Variants in CTNNA3 observed in about 807,000 individuals in gnomAD.
CTNNA3 encodes the protein catenin alpha-3.
A neutral mutation model predicts 95.7 loss-of-function variants in CTNNA3; 76 were observed. The ratio of observed to expected loss-of-function variants is 0.79; its 90% CI spans 0.66 to 0.96. The LOEUF (loss-of-function observed/expected upper bound fraction) is 0.96. Among genes scored for constraint, CTNNA3 ranks in the 40% least tolerant of loss-of-function variants. The pLI, the probability that CTNNA3 is intolerant of heterozygous loss-of-function variation, is 0.00. For synonymous variants in CTNNA3, 431 were observed against 374.4 expected, an observed-to-expected ratio of 1.15 and a Z score of -1.74; for missense variants, 1,191 against 1,089.8, an observed-to-expected ratio of 1.09 and a Z score of -1.31.
intron 9 of CTNNA3, among the ~76,000 whole-genome samples, chr10:66,762,009 G>C (rs72802617): frequency 0.025 from 3,841 of 152,168 alleles, 74 homozygotes; most frequent in Admixed American, 0.058. Flanking sequence ...AAATTAATTG[G>C]TACTATGAAT....
At chr10:67,244,090 G>C (rs1865817350) in intron 5 of CTNNA3, among the ~76,000 whole-genome samples, 2 of 152,266 alleles carry the variant, frequency 1.3e-5, no homozygotes, top group South Asian at 4.1e-4. Context: ...TTTGTAAAAG[G>C]AAATCACAAC....
chr10:66,781,259 G>A (rs1420112425), intron 7 of CTNNA3, among the ~76,000 whole-genome samples: 1 of 152,098 alleles, frequency 6.6e-6, no homozygotes, highest in Non-Finnish European at 1.5e-5. Flanking sequence ...TTGTAAGTGT[G>A]TGCCATTTTA....
chr10:66,429,988 G>T (rs1334598701), intron 11 of CTNNA3, among the ~76,000 whole-genome samples: 1 of 146,130 alleles, frequency 6.8e-6, no homozygotes, highest in Admixed American at 6.9e-5. Context: ...TGACATGATT[G>T]TATATCTAGA....
At chr10:66,883,124 T>G (rs2132471997) in intron 7 of CTNNA3, among the ~76,000 whole-genome samples, 1 of 152,222 alleles carries the variant, frequency 6.6e-6, no homozygotes, top group South Asian at 2.1e-4. Context: ...ACAATGTTGA[T>G]TCACTGTACT....
intron 15 of CTNNA3, among the ~76,000 whole-genome samples, chr10:66,018,682 C>T (rs2079142066): frequency 6.6e-6 from 1 of 152,052 alleles, no homozygotes; most frequent in South Asian, 2.1e-4. Context: ...AAACCGTTCA[C>T]TCTATAAAAT....
intron 9 of CTNNA3, among the ~76,000 whole-genome samples, chr10:66,660,158 A>C (rs902233607): frequency 5.3e-5 from 8 of 152,044 alleles, no homozygotes; most frequent in African/African-American, 1.9e-4. Flanking sequence ...GAATTAACCT[A>C]TGCACATGGG....
chr10:67,185,950 C>A (rs1862823245), intron 6 of CTNNA3, among the ~76,000 whole-genome samples: 1 of 148,860 alleles, frequency 6.7e-6, no homozygotes, highest in South Asian at 2.1e-4. Context: ...AACCGGGACC[C>A]AGGAGGCAGA....
chr10:67,452,287 T>G (rs1014861164), intron 5 of CTNNA3, among the ~76,000 whole-genome samples: 11 of 152,090 alleles, frequency 7.2e-5, no homozygotes, highest in Non-Finnish European at 1.5e-4. Flanking sequence ...TAAAAATGAA[T>G]AACGTAATTG....
At chr10:66,149,299 A>G (rs1394166602) in intron 13 of CTNNA3, among the ~76,000 whole-genome samples, 1 of 149,852 alleles carries the variant, frequency 6.7e-6, no homozygotes, top group African/African-American at 2.4e-5. Context: ...GTATATTTAA[A>G]TATAAGGAAT....
intron 6 of CTNNA3, among the ~76,000 whole-genome samples, chr10:67,204,675 G>A (rs1863812175): frequency 6.6e-6 from 1 of 152,142 alleles, no homozygotes; most frequent in African/African-American, 2.4e-5. Context: ...ACGACCCAAT[G>A]GGTTCTTCCT....
rs200016379 is a variant in CTNNA3 at position 66,618,985 on chromosome 10, G to C, written c.1374+2707C>G. On this transcript the variant is annotated intron_variant, in intron 10 of 17. Transcript: ENST00000433211. Reference sequence around the variant, plus strand: ...ATGCTCATCATCACTGGCCATCAGAGAAATGCAAATAAAAACCACAATGAG... The same window carrying C: ...ATGCTCATCATCACTGGCCATCAGACAAATGCAAATAAAAACCACAATGAG... 5.7e-4 allele frequency among the ~76,000 whole-genome samples: 87 copies of C among 152,274 alleles called. 1 individual carries two copies. In the East Asian group the frequency reaches 0.016, roughly 28 times the overall value.
chr10:66,358,602 G>A (rs2092629573), intron 12 of CTNNA3, among the ~76,000 whole-genome samples: 1 of 152,108 alleles, frequency 6.6e-6, no homozygotes, highest in Admixed American at 6.6e-5. Flanking sequence ...CTGACCTAGT[G>A]GGAAAATCTA....
intron 5 of CTNNA3, among the ~76,000 whole-genome samples, chr10:67,278,880 C>G (rs139988748): frequency 1.1e-3 from 165 of 152,182 alleles, no homozygotes; most frequent in African/African-American, 3.9e-3. Context: ...TAAATAAAAC[C>G]CATCTGATGA....
chr10:66,230,836 T>C (rs2089551069), intron 13 of CTNNA3, among the ~76,000 whole-genome samples: 1 of 152,156 alleles, frequency 6.6e-6, no homozygotes, highest in African/African-American at 2.4e-5. Flanking sequence ...ATTTATGCCC[T>C]GATGTATAGA....
At chr10:66,346,246 T>TATATATATATATAGAGAGAGAGAG (rs1416945569) in intron 12 of CTNNA3, among the ~76,000 whole-genome samples, 1 of 27,788 alleles carries the variant, frequency 3.6e-5, no homozygotes, top group Non-Finnish European at 7.6e-5. Flanking sequence ...TATATATATA[T>TATATATATATATAGAGAGAGAGAG]AGAGAGAGAG....
intron 7 of CTNNA3, among the ~76,000 whole-genome samples, chr10:66,975,258 A>C (rs1849965270): frequency 6.6e-6 from 1 of 152,206 alleles, no homozygotes; most frequent in Admixed American, 6.5e-5. Context: ...TTTTCTAATA[A>C]AGGTATTCAC....
intron 13 of CTNNA3, among the ~76,000 whole-genome samples, chr10:66,134,868 G>A (rs553110005): frequency 1.3e-5 from 2 of 151,962 alleles, no homozygotes; most frequent in East Asian, 3.9e-4. Context: ...AAAGATTTAA[G>A]TCAAGGAAAT....
At chr10:66,641,178 C>A (rs759285466) in intron 9 of CTNNA3, among the ~76,000 whole-genome samples, 19 of 151,994 alleles carry the variant, frequency 1.3e-4, no homozygotes, top group Non-Finnish European at 2.5e-4. Flanking sequence ...GCAATAATTC[C>A]TTTGAAAAAT....
intron 11 of CTNNA3, among the ~76,000 whole-genome samples, chr10:66,491,250 T>C (rs1271403916): frequency 6.6e-6 from 1 of 152,178 alleles, no homozygotes; most frequent in African/African-American, 2.4e-5. Context: ...CGGCCTATAA[T>C]AGCATATCAT....
Sources: gnomAD v4.1 joint callset for allele counts (sites outside exome capture counted in the v4.1 genomes callset) on GRCh38, gnomAD v4.1.1 for gene constraint, MANE v1.5 for transcripts, NCBI Gene and HGNC (gene_info 2026-07-23, HGNC 2026-07-21) for gene names.